The following ACACA variants were observed in gnomAD, a reference collection of about 807,000 sequenced individuals.
ACACA encodes acetyl-CoA carboxylase alpha.
Under a neutral mutation model 296.1 loss-of-function variants are expected in ACACA, and 103 were observed. The ratio of observed to expected loss-of-function variants is 0.35; its 90% CI spans 0.30 to 0.41. The LOEUF (loss-of-function observed/expected upper bound fraction) is 0.41, where lower values mean the gene tolerates loss of function less well. Among genes scored for constraint, ACACA ranks in the 10% least tolerant of loss-of-function variants. The pLI, the probability that ACACA is intolerant of heterozygous loss-of-function variation, is 1.00. For missense variants in ACACA, 1,554 were observed against 2,989.7 expected, an observed-to-expected ratio of 0.52 and a Z score of 11.20; for synonymous variants, 953 against 1,038.6, an observed-to-expected ratio of 0.92 and a Z score of 1.58.
chr17:37,244,493 T>C lies in ACACA; in HGVS notation c.2742+95A>G, dbSNP rs563727694. 107 of 1,495,648 alleles carry C rather than the reference T, an allele frequency of 7.2e-5. 1 individual carries two copies. In the South Asian group the frequency reaches 1.1e-3, roughly 16 times the overall value. The allele number at this position is 1,495,648 out of a possible 1,614,324, so 92.6% of individuals were successfully genotyped here. On this transcript the variant is annotated intron_variant, in intron 21 of 55. Transcript: ENST00000616317. ...AGTTCTAGGCCAAACAGCTTTCTTT[T>C]CCTCCCTCTTAAACAATCATTATGA...
chr17:37,234,897 G>C, intron 25 of ACACA, 78 bp downstream of exon 25: 2 of 1,524,970 alleles, frequency 1.3e-6, no homozygotes, highest in Non-Finnish European at 9.1e-7. Context: ...TTTTTCTCTG[G>C]CCATAGCCAT....
intron 30 of ACACA, among the ~76,000 whole-genome samples, chr17:37,209,057 A>C (rs954216789): frequency 1.3e-5 from 2 of 152,240 alleles, no homozygotes; most frequent in Non-Finnish European, 2.9e-5. Flanking sequence ...CTGACACTCC[A>C]GGTTTTTATT....
At chr17:37,172,987 A>T (rs2076935205) in intron 41 of ACACA, among the ~76,000 whole-genome samples, 1 of 152,292 alleles carries the variant, frequency 6.6e-6, no homozygotes, top group Admixed American at 6.5e-5. Flanking sequence ...ACTGACACTG[A>T]CTCAATTTCT....
chr17:37,374,230 A>T (rs1220346626), intron 1 of ACACA, among the ~76,000 whole-genome samples: 1 of 152,040 alleles, frequency 6.6e-6, no homozygotes, highest in East Asian at 1.9e-4. Flanking sequence ...AAACAAGACC[A>T]AAGAAGCTGT....
chr17:37,390,330 A>ATATATATATATATATC lies in ACACA; in HGVS notation c.38+15931_38+15932insGATATATATATATATA, dbSNP rs1386032855. Among the ~76,000 whole-genome samples, 127 of 41,546 alleles carry ATATATATATATATATC rather than the reference A, an allele frequency of 3.1e-3. 12 individuals are homozygous for ATATATATATATATATC. The highest frequency in any genetic ancestry group is 0.011 in the African/African-American group (85 of 7,832). The allele number at this position is 41,546 out of a possible 152,430, so 27.3% of individuals were successfully genotyped here. A position where few individuals can be genotyped will look rare whatever the true frequency, so the allele number is the denominator to read the frequency against. On this transcript the variant is annotated intron_variant, in intron 1 of 55. Transcript: ENST00000616317. ...TATATATATATATATATATATATAT[A>ATATATATATATATATC]TATAAAAGGCCAGCTGGGCCGGGCA...
intron 44 of ACACA, 34 bp from the exon 45 acceptor site, chr17:37,150,008 T>G: frequency 6.3e-7 from 1 of 1,577,528 alleles, no homozygotes; most frequent in Non-Finnish European, 8.7e-7. Context: ...TGTCACATAT[T>G]TATGTCCTCT....
chr17:37,378,013 T>A, intron 1 of ACACA: 2 of 1,537,230 alleles, frequency 1.3e-6, no homozygotes, highest in East Asian at 2.2e-5. Context: ...TTCCAAAAAA[T>A]TTTTACCTTT....
intron 38 of ACACA, among the ~76,000 whole-genome samples, chr17:37,190,040 A>AAAGC (rs1744871479): frequency 1.3e-5 from 2 of 151,830 alleles, no homozygotes; most frequent in Admixed American, 1.3e-4. Context: ...AAAAAAAAAA[A>AAAGC]AGCAGCAGCA....
At chr17:37,329,275 T>C (rs1370840563) in intron 3 of ACACA, among the ~76,000 whole-genome samples, 1 of 152,144 alleles carries the variant, frequency 6.6e-6, no homozygotes, top group Non-Finnish European at 1.5e-5. Flanking sequence ...AGAACAATGT[T>C]AGTCAAAGTA....
At chr17:37,287,308 A>G (rs1485888455) in intron 3 of ACACA, among the ~76,000 whole-genome samples, 1 of 152,214 alleles carries the variant, frequency 6.6e-6, no homozygotes, top group Non-Finnish European at 1.5e-5. Flanking sequence ...ACATACATAA[A>G]TAAGACCAGT....
At chr17:37,143,982 CAACAGGAAG>C in intron 45 of ACACA, 1 of 859,550 alleles carries the variant, frequency 1.2e-6, no homozygotes, top group Non-Finnish European at 2.0e-6. Flanking sequence ...ACTCAGAATA[CAACAGGAAG>C]AACGCTGAAG....
intron 5 of ACACA, among the ~76,000 whole-genome samples, chr17:37,282,908 C>T (rs866457042): frequency 2.0e-5 from 3 of 152,092 alleles, no homozygotes; most frequent in Non-Finnish European, 2.9e-5. Context: ...TTCAATATAA[C>T]GCATAAGGAA....
At chr17:37,168,239 T>C (rs968990090) in intron 41 of ACACA, among the ~76,000 whole-genome samples, 1 of 152,154 alleles carries the variant, frequency 6.6e-6, no homozygotes, top group African/African-American at 2.4e-5. Context: ...GTGCATAGTA[T>C]GAATGACAAC....
intron 3 of ACACA, chr17:37,328,839 C>CT: frequency 5.0e-6 from 2 of 398,306 alleles, no homozygotes; most frequent in Middle Eastern, 6.3e-4. Flanking sequence ...ACCTGGATAC[C>CT]TTAAAAAAAA....
In ACACA at chr17:37,113,135, G is replaced by A; in HGVS notation, c.6405C>T (p.Ser2135=). ...TCTCCATGTGCCGGGGGTTGATGGAGGAGTCAATCACCACCCAGGAGCCAC... is the reference window on the plus strand; with the variant it reads ...TCTCCATGTGCCGGGGGTTGATGGAAGAGTCAATCACCACCCAGGAGCCAC... ...LRGGSWVVID[S]SINPRHMEMY... The change falls in exon 51 of 56, where the codon TCC becomes TCT. Residue 2135 remains serine, a synonymous_variant. Transcript: ENST00000616317. The surrounding 1 kb of genome is among the most constrained non-coding windows in gnomAD (Gnocchi z 4.0). 1 of 1,614,184 alleles carries A rather than the reference G, an allele frequency of 6.2e-7. No individual in the cohort carries two copies. The highest frequency in any genetic ancestry group is 1.6e-4 in the Middle Eastern group (1 of 6,062).
intron 45 of ACACA, among the ~76,000 whole-genome samples, chr17:37,146,249 T>C (rs2075800707): frequency 6.6e-6 from 1 of 152,108 alleles, no homozygotes; most frequent in African/African-American, 2.4e-5. Context: ...TATGCCAAGA[T>C]GGAGTATAGC....
chr17:37,331,572 T>A (rs1200353257), intron 2 of ACACA, among the ~76,000 whole-genome samples: 3 of 152,064 alleles, frequency 2.0e-5, no homozygotes, highest in African/African-American at 7.2e-5. Flanking sequence ...CATGCCCGGC[T>A]GACTTTTGTA....
At chr17:37,391,531 A>G in intron 1 of ACACA, 1 of 879,604 alleles carries the variant, frequency 1.1e-6, no homozygotes, top group Non-Finnish European at 1.9e-6. Context: ...AAGAGGCAAA[A>G]TGAAGTGCAC....
At chr17:37,385,308 C>T (rs2050476995) in intron 1 of ACACA, among the ~76,000 whole-genome samples, 1 of 151,950 alleles carries the variant, frequency 6.6e-6, no homozygotes, top group Non-Finnish European at 1.5e-5. Flanking sequence ...CCCATCTCTA[C>T]CAAAAAATAT....
Sources: allele counts gnomAD v4.1 joint callset (sites outside exome capture counted in the v4.1 genomes callset), GRCh38; gene constraint gnomAD v4.1.1; non-coding constraint Gnocchi (gnomAD v3.1); transcripts MANE v1.5; gene names NCBI Gene and HGNC (gene_info 2026-07-23, HGNC 2026-07-21).